LAMA1: variants seen among roughly 807,000 people sequenced by gnomAD.
LAMA1 encodes laminin subunit alpha 1, also known as laminin subunit alpha-1.
A neutral mutation model predicts 348.7 loss-of-function variants in LAMA1; 219 were observed. The observed-to-expected ratio is 0.63, with a 90% CI of 0.56 to 0.70. The LOEUF (loss-of-function observed/expected upper bound fraction) is 0.70, where lower values mean the gene tolerates loss of function less well. Among genes scored for constraint, LAMA1 ranks in the 30% least tolerant of loss-of-function variants. LAMA1 has a pLI of 0.00. For synonymous variants in LAMA1, 1,487 were observed against 1,491.0 expected (o/e 1.00, Z 0.06); for missense variants, 3,744 against 3,888.0 (o/e 0.96, Z 0.99).
intron 1 of LAMA1, among the ~76,000 whole-genome samples, chr18:7,082,325 A>G (rs1356130299): frequency 1.3e-5 from 2 of 152,152 alleles, no homozygotes; most frequent in African/African-American, 2.4e-5. Flanking sequence ...TAACTTAAAG[A>G]TGCTTATTTT....
chr18:7,099,512 AC>A (rs1242133737), intron 1 of LAMA1, among the ~76,000 whole-genome samples: 5 of 151,856 alleles, frequency 3.3e-5, no homozygotes, highest in Admixed American at 3.3e-4. Flanking sequence ...ATGAACTTAC[AC>A]CCTGACTCCT....
intron 1 of LAMA1, among the ~76,000 whole-genome samples, chr18:7,095,065 GTTTTT>G (rs779909400): frequency 8.7e-6 from 1 of 114,708 alleles, no homozygotes. Context: ...TCCCTTGACT[GTTTTT>G]TTTTTTTTTT....
chr18:7,022,038 A>G (rs1386456818), intron 19 of LAMA1, among the ~76,000 whole-genome samples: 1 of 151,900 alleles, frequency 6.6e-6, no homozygotes, highest in Non-Finnish European at 1.5e-5. Context: ...AGAGGCTAAT[A>G]AATTAGCCCA....
chr18:6,942,276 T>C, intron 62 of LAMA1, 37 bp from the exon 63 acceptor site: 1 of 1,611,436 alleles, frequency 6.2e-7, no homozygotes, highest in Non-Finnish European at 8.5e-7. Flanking sequence ...TCTTGCTTAA[T>C]TTTGTTGAAA....
rs9944704 is a variant in LAMA1 at position 6,999,878 on chromosome 18, C to T, written c.4469+33G>A. On this transcript the variant is annotated intron_variant, in intron 31 of 62. Coordinates refer to ENST00000389658, the MANE Select transcript of LAMA1 (RefSeq NM_005559.4). Reference sequence around the variant, plus strand: ...TACCTTATAAAAGAAACAGAGTGCCCAGGGATTTCCACATGACAATCCACC... The same window carrying T: ...TACCTTATAAAAGAAACAGAGTGCCTAGGGATTTCCACATGACAATCCACC... The T allele has an allele frequency of 3.1e-5, 49 of 1,576,266 alleles. No homozygotes were observed. The African/African-American group carries it at 5.9e-4, about 19-fold the overall frequency.
chr18:7,097,041 T>C (rs1419793573), intron 1 of LAMA1, among the ~76,000 whole-genome samples: 3 of 151,794 alleles, frequency 2.0e-5, no homozygotes, highest in Non-Finnish European at 4.4e-5. Flanking sequence ...CAGAAGCACA[T>C]GCCTAATGAT....
chr18:7,055,698 G>C lies in LAMA1; in HGVS notation c.346-4762C>G, dbSNP rs77131253. 1.2e-3 allele frequency among the ~76,000 whole-genome samples: 190 copies of C among 152,166 alleles called. 1 individual carries two copies. The highest frequency in any genetic ancestry group is 2.3e-3 in the Non-Finnish European group (154 of 68,014). ...CATTCTCCAATCGACTTCAGTCTGCGAGTGATTTCAGTGTGTCAGATGTTT... is the reference window on the plus strand; with the variant it reads ...CATTCTCCAATCGACTTCAGTCTGCCAGTGATTTCAGTGTGTCAGATGTTT... On this transcript the variant is annotated intron_variant, in intron 3 of 62. Coordinates refer to ENST00000389658, the MANE Select transcript of LAMA1 (RefSeq NM_005559.4).
intron 1 of LAMA1, among the ~76,000 whole-genome samples, chr18:7,100,615 T>A (rs2058287678): frequency 6.6e-6 from 1 of 152,214 alleles, no homozygotes; most frequent in African/African-American, 2.4e-5. Flanking sequence ...GTGGTGTATC[T>A]ACACACTGGA....
chr18:7,096,737 A>C (rs2058262766), intron 1 of LAMA1, among the ~76,000 whole-genome samples: 1 of 152,206 alleles, frequency 6.6e-6, no homozygotes, highest in Non-Finnish European at 1.5e-5. Context: ...TGGCATAATA[A>C]GGAAGTTGAC....
chr18:6,981,270 C>T (rs1421802619), intron 41 of LAMA1, among the ~76,000 whole-genome samples: 5 of 152,126 alleles, frequency 3.3e-5, no homozygotes, highest in African/African-American at 1.2e-4. Flanking sequence ...TAATCAGACA[C>T]ACTAACTTTC....
chr18:7,032,543 G>A (rs552230986), intron 15 of LAMA1, among the ~76,000 whole-genome samples: 32 of 152,224 alleles, frequency 2.1e-4, no homozygotes, highest in East Asian at 3.9e-4. Context: ...GATTCCAAGC[G>A]CATTTTCATA....
At chr18:6,958,713 A>T in intron 54 of LAMA1, 51 bp from the exon 55 acceptor site, 1 of 1,459,218 alleles carries the variant, frequency 6.9e-7, no homozygotes, top group Non-Finnish European at 9.6e-7. Context: ...ATAATGAAAT[A>T]ATAATTCCAT....
At chr18:7,026,627 A>C (rs2057944659) in intron 16 of LAMA1, among the ~76,000 whole-genome samples, 1 of 152,214 alleles carries the variant, frequency 6.6e-6, no homozygotes, top group Admixed American at 6.5e-5. Flanking sequence ...CATCCTTGAC[A>C]AAGTATTCCG....
chr18:6,981,117 A>G (rs1403437828), intron 41 of LAMA1, among the ~76,000 whole-genome samples: 1 of 151,924 alleles, frequency 6.6e-6, no homozygotes, highest in Non-Finnish European at 1.5e-5. Context: ...AAAAAAAAAA[A>G]GAAATTAAGA....
At chr18:7,009,061 A>T (rs1194616836) in intron 27 of LAMA1, among the ~76,000 whole-genome samples, 178 bp downstream of exon 27, 2 of 152,202 alleles carry the variant, frequency 1.3e-5, no homozygotes, top group Admixed American at 6.5e-5. Context: ...CTAGGTGGAT[A>T]CTTTAAGTTA....
intron 46 of LAMA1, among the ~76,000 whole-genome samples, chr18:6,973,653 C>T (rs941856222): frequency 6.6e-6 from 1 of 152,184 alleles, no homozygotes; most frequent in African/African-American, 2.4e-5. Flanking sequence ...TATTTTCTGT[C>T]CTTGACTTAA....
At chr18:6,947,343 C>T (rs1402154554) in intron 60 of LAMA1, 47 bp from the exon 61 acceptor site, 2 of 1,611,906 alleles carry the variant, frequency 1.2e-6, no homozygotes, top group Non-Finnish European at 8.5e-7. Context: ...GCTGCCAGGC[C>T]CAGGTTGAGC....
chr18:7,066,661 T>C (rs2058124151), intron 3 of LAMA1, among the ~76,000 whole-genome samples: 1 of 152,170 alleles, frequency 6.6e-6, no homozygotes. Context: ...TGACATAATG[T>C]GACAACTCAT....
Position 6,961,940 on chromosome 18 carries a change from C to A in LAMA1, c.7452+5G>T. Reference sequence around the variant, plus strand: ...CATTTGAACATTAATAACAATGTTTCCTACCTCCAGTAAACAGCCTTTTCT... The same window carrying A: ...CATTTGAACATTAATAACAATGTTTACTACCTCCAGTAAACAGCCTTTTCT... On this transcript the variant is annotated splice_donor_5th_base_variant and intron_variant, in intron 52 of 62. Transcript: ENST00000389658. 4 of 1,605,988 alleles carry A rather than the reference C, an allele frequency of 2.5e-6. No homozygotes were observed. Among genetic ancestry groups the A allele is most frequent in the Non-Finnish European group, 3.4e-6 (4 of 1,172,586 alleles).
Sources: gnomAD v4.1 joint callset for allele counts (sites outside exome capture counted in the v4.1 genomes callset) on GRCh38, gnomAD v4.1.1 for gene constraint, MANE v1.5 for transcripts, NCBI Gene and HGNC (gene_info 2026-07-23, HGNC 2026-07-21) for gene names.